RGMA: variants seen among roughly 807,000 people sequenced by gnomAD.
The protein encoded by RGMA is repulsive guidance molecule A.
RGMA carries 10 observed loss-of-function variants against 23.2 expected under a neutral mutation model. That is an observed-to-expected ratio of 0.43 (90% CI 0.27 to 0.73). The LOEUF (loss-of-function observed/expected upper bound fraction) is 0.73. Ranked by LOEUF, RGMA falls within the 30% of genes least tolerant of loss-of-function variation. The probability of loss-of-function intolerance (pLI) is 0.20; values close to 1 mark genes in which losing one functional copy is unlikely to be tolerated. For synonymous variants in RGMA, 308 were observed against 279.3 expected, an observed-to-expected ratio of 1.10 and a Z score of -1.03; for missense variants, 547 against 630.5, an observed-to-expected ratio of 0.87 and a Z score of 1.42.
intron 1 of RGMA, among the ~76,000 whole-genome samples, chr15:93,078,585 T>A (rs1438903902): frequency 6.6e-6 from 1 of 152,200 alleles, no homozygotes; most frequent in Non-Finnish European, 1.5e-5. Context: ...CCTTCAAGGT[T>A]TTATAGACTT....
Position 93,036,364 on chromosome 15 carries a change from G to A in RGMA, c.*8634C>T, listed in dbSNP as rs2054661036. ...TTATGCAACCAACACCCACCCTGGG[G>A]CACTTGCCTTAAGGGATTAATCTGA... On this transcript the variant is annotated 3_prime_UTR_variant, in exon 4 of 4. Coordinates refer to ENST00000329082, the MANE Select transcript of RGMA (RefSeq NM_020211.3). 1 of 152,276 alleles carries A rather than the reference G, an allele frequency of 6.6e-6. No individual in the cohort carries two copies. 9.4% of individuals were successfully genotyped at this position (152,276 alleles called of 1,614,324 possible).
At chr15:93,057,171 C>T (rs898121148) in intron 2 of RGMA, among the ~76,000 whole-genome samples, 2 of 152,180 alleles carry the variant, frequency 1.3e-5, no homozygotes, top group African/African-American at 4.8e-5. Flanking sequence ...TCATGACTGT[C>T]GAGGGGGCCT....
intron 1 of RGMA, among the ~76,000 whole-genome samples, chr15:93,084,700 T>G (rs1895610816): frequency 6.6e-6 from 1 of 152,180 alleles, no homozygotes; most frequent in Non-Finnish European, 1.5e-5. Context: ...CTCGAACCCC[T>G]GACCTCAAGT....
At chr15:93,050,749 C>T (rs554042366) in intron 3 of RGMA, among the ~76,000 whole-genome samples, 4 of 152,338 alleles carry the variant, frequency 2.6e-5, no homozygotes, top group Admixed American at 1.3e-4. Context: ...CTGGGGTCCA[C>T]ATCCCTCTCA....
At chr15:93,062,678 T>C (rs1473273818) in intron 2 of RGMA, 1 of 152,212 alleles carries the variant, frequency 6.6e-6, no homozygotes, top group Admixed American at 6.5e-5. Context: ...AAGGGGACAC[T>C]AGATGGAGAA....
intron 1 of RGMA, chr15:93,073,912 C>T: frequency 2.1e-6 from 3 of 1,440,572 alleles, no homozygotes; most frequent in South Asian, 1.5e-5. Context: ...TGCCGGTCCG[C>T]GTGGCGCGCA....
At chr15:93,076,880 C>T (rs569892429) in intron 1 of RGMA, among the ~76,000 whole-genome samples, 1 of 152,270 alleles carries the variant, frequency 6.6e-6, no homozygotes, top group South Asian at 2.1e-4. Flanking sequence ...AAAGTCAAGG[C>T]GAGACAGATT....
intron 2 of RGMA, among the ~76,000 whole-genome samples, chr15:93,058,845 C>T (rs1291477414): frequency 1.3e-5 from 2 of 152,168 alleles, no homozygotes; most frequent in African/African-American, 4.8e-5. Flanking sequence ...GAGTTCTTGT[C>T]TTGGGGGCCT....
chr15:93,082,506 A>T (rs1279991213), intron 1 of RGMA, among the ~76,000 whole-genome samples: 1 of 152,242 alleles, frequency 6.6e-6, no homozygotes, highest in Non-Finnish European at 1.5e-5. Context: ...CCAGGTCTTG[A>T]GATGCCAAGT....
Position 93,044,822 on chromosome 15 carries a change from G to A in RGMA, c.*176C>T, listed in dbSNP as rs149543994. ...TCATGGCACCAGTCACCACAACCTTGTCACGTGCACTAGAAGGGGAGGGGT... is the reference window on the plus strand; with the variant it reads ...TCATGGCACCAGTCACCACAACCTTATCACGTGCACTAGAAGGGGAGGGGT... On this transcript the variant is annotated 3_prime_UTR_variant, in exon 4 of 4. Coordinates refer to ENST00000329082, the MANE Select transcript of RGMA (RefSeq NM_020211.3). 1.1e-3 allele frequency: 659 copies of A among 610,878 alleles called. 6 individuals carry two copies. Among genetic ancestry groups the A allele is most frequent in the African/African-American group, 9.0e-3 (485 of 54,056 alleles). 37.8% of individuals were successfully genotyped at this position (610,878 alleles called of 1,614,324 possible). A position where few individuals can be genotyped will look rare whatever the true frequency, so the allele number is the denominator to read the frequency against.
intron 1 of RGMA, among the ~76,000 whole-genome samples, chr15:93,085,869 G>A (rs912787201): frequency 6.6e-6 from 1 of 152,134 alleles, no homozygotes; most frequent in African/African-American, 2.4e-5. Context: ...CCTTTCAATA[G>A]AGTTCATTTG....
At chr15:93,047,125 G>T (rs1475528070) in intron 3 of RGMA, among the ~76,000 whole-genome samples, 1 of 152,126 alleles carries the variant, frequency 6.6e-6, no homozygotes, top group Non-Finnish European at 1.5e-5. Context: ...TCCAGACTCT[G>T]GGCTCTCTTG....
At position 93,071,075 on chromosome 15, in the gene RGMA, T is replaced by G. The variant is rs113823442; in HGVS notation, c.130+1841A>C. Among the ~76,000 whole-genome samples the G allele has an allele frequency of 2.8e-3, 425 of 152,292 alleles. 5 individuals carry two copies. Among genetic ancestry groups the G allele is most frequent in the Middle Eastern group, 0.02 (6 of 294 alleles). Reference sequence around the variant, plus strand: ...CTTTAAGAGCGGGAAGGTGTTGTTTTAAGGGCCTCTAAGCCCCTCTTCTCA... The same window carrying G: ...CTTTAAGAGCGGGAAGGTGTTGTTTGAAGGGCCTCTAAGCCCCTCTTCTCA... On this transcript the variant is annotated intron_variant, in intron 2 of 3. Transcript: ENST00000329082.
chr15:93,045,207 G>C lies in RGMA; in HGVS notation c.1144C>G (p.Leu382Val), dbSNP rs747390461. The change falls in exon 4 of 4, where the codon CTC (leucine) becomes GTC (valine). Residue 382 changes from leucine to valine, a missense_variant. Coordinates refer to ENST00000329082, the MANE Select transcript of RGMA (RefSeq NM_020211.3). This position sits in a 1 kb window ranked among gnomAD's most constrained non-coding sequence, Gnocchi z 6.9. Reference sequence around the variant, plus strand: ...AAGTTCACGTCGCCCGTGGTGAGGAGGTCGAAGACGCAGGCCTGGTAGTAC... The same window carrying C: ...AAGTTCACGTCGCCCGTGGTGAGGACGTCGAAGACGCAGGCCTGGTAGTAC... ...DLYYQACVFD[L>V]LTTGDVNFTL... is the part of the protein sequence containing the mutation. The C allele has an allele frequency of 1.6e-5, 25 of 1,611,562 alleles. No individual in the cohort carries two copies. Among genetic ancestry groups the C allele is most frequent in the South Asian group, 8.8e-5 (8 of 90,614 alleles).
intron 2 of RGMA, among the ~76,000 whole-genome samples, chr15:93,054,010 A>G (rs2054971307): frequency 6.6e-6 from 1 of 152,118 alleles, no homozygotes; most frequent in Admixed American, 6.5e-5. Context: ...CAGGCAGATC[A>G]TGTGAGGTCT....
chr15:93,076,885 C>G (rs567485717), intron 1 of RGMA, among the ~76,000 whole-genome samples: 7 of 152,312 alleles, frequency 4.6e-5, no homozygotes, highest in Admixed American at 4.6e-4. Flanking sequence ...CAAGGCGAGA[C>G]AGATTACTTA....
At chr15:93,077,378 G>C (rs1257132393) in intron 1 of RGMA, among the ~76,000 whole-genome samples, 1 of 152,210 alleles carries the variant, frequency 6.6e-6, no homozygotes, top group Non-Finnish European at 1.5e-5. Context: ...TCCCTTAGGC[G>C]ATTCATGTCT....
Position 93,036,074 on chromosome 15 carries a change from GA to G in RGMA, c.*8923del. 6.6e-6 allele frequency: 1 copy of G among 152,230 alleles called. No homozygotes were observed. Among genetic ancestry groups the G allele is most frequent in the African/African-American group, 2.4e-5 (1 of 41,436 alleles). 9.4% of individuals were successfully genotyped at this position (152,230 alleles called of 1,614,324 possible). ...CTCGTGTTGTTACATATGTAAGTAT[GA>G]TTACACGTGTAATCACACATGTGAC... On this transcript the variant is annotated 3_prime_UTR_variant, in exon 4 of 4. Transcript: ENST00000329082.
At chr15:93,064,996 T>A (rs1023100864) in intron 2 of RGMA, among the ~76,000 whole-genome samples, 1 of 151,908 alleles carries the variant, frequency 6.6e-6, no homozygotes, top group Admixed American at 6.6e-5. Flanking sequence ...TTTTTTTTTT[T>A]AGATGGAGTC....
Sources: allele counts gnomAD v4.1 joint callset (sites outside exome capture counted in the v4.1 genomes callset), GRCh38; gene constraint gnomAD v4.1.1; non-coding constraint Gnocchi (gnomAD v3.1); transcripts MANE v1.5; gene names NCBI Gene and HGNC (gene_info 2026-07-23, HGNC 2026-07-21).